Variants in STK32A observed in about 807,000 individuals in gnomAD.
STK32A encodes the protein serine/threonine kinase 32A, also known as serine/threonine-protein kinase 32A.
A neutral mutation model predicts 53.2 loss-of-function variants in STK32A; 41 were observed. The ratio of observed to expected loss-of-function variants is 0.77; its 90% CI spans 0.60 to 1.00. The LOEUF (loss-of-function observed/expected upper bound fraction) is 1.00. STK32A is among the 50% of genes least tolerant of loss of function. The pLI, the probability that STK32A is intolerant of heterozygous loss-of-function variation, is 0.00. For missense variants in STK32A, 458 were observed against 485.8 expected, an observed-to-expected ratio of 0.94 and a Z score of 0.54; for synonymous variants, 166 against 162.8, an observed-to-expected ratio of 1.02 and a Z score of -0.15.
intron 2 of STK32A, among the ~76,000 whole-genome samples, chr5:147,255,567 T>C (rs1038555418): frequency 2.0e-5 from 3 of 152,234 alleles, no homozygotes. Context: ...GATAGAGCAG[T>C]CAGACCATGC....
intron 11 of STK32A, 33 bp downstream of exon 11, chr5:147,375,251 G>A (rs1757187099): frequency 1.9e-6 from 3 of 1,602,450 alleles, no homozygotes; most frequent in African/African-American, 1.3e-5. Flanking sequence ...CAGGGTCATG[G>A]GTATCCCCAT....
intron 2 of STK32A, among the ~76,000 whole-genome samples, chr5:147,243,171 A>G (rs376300281): frequency 1.7e-5 from 1 of 60,024 alleles, no homozygotes; most frequent in South Asian, 4.0e-4. Context: ...CAAACTGTTT[A>G]ATATTTCCAA....
At chr5:147,247,004 G>A (rs575778017) in intron 2 of STK32A, among the ~76,000 whole-genome samples, 1 of 152,270 alleles carries the variant, frequency 6.6e-6, no homozygotes, top group East Asian at 1.9e-4. Flanking sequence ...TGATTATTAA[G>A]TAACACTCAT....
At position 147,383,433 on chromosome 5, in the gene STK32A, C is replaced by T. The variant is rs753058274; in HGVS notation, c.1033-8C>T. 1.3e-5 allele frequency: 21 copies of T among 1,590,666 alleles called. No homozygotes were observed. The highest frequency in any genetic ancestry group is 1.8e-5 in the Non-Finnish European group (21 of 1,167,766). On this transcript the variant is annotated splice_region_variant and splice_polypyrimidine_tract_variant and intron_variant, in intron 11 of 12. Coordinates refer to ENST00000397936, the MANE Select transcript of STK32A (RefSeq NM_001112724.2). Reference sequence around the variant, plus strand: ...TACCTCTATTTTTTTTCTACGTTCACCTGGAAGACATGTCTTCTTCAAGAG... The same window carrying T: ...TACCTCTATTTTTTTTCTACGTTCATCTGGAAGACATGTCTTCTTCAAGAG...
At chr5:147,250,315 A>G (rs960631272) in intron 2 of STK32A, among the ~76,000 whole-genome samples, 1 of 152,190 alleles carries the variant, frequency 6.6e-6, no homozygotes, top group Non-Finnish European at 1.5e-5. Flanking sequence ...GGATGGAGAC[A>G]GAAAGACACG....
chr5:147,250,256 GC>G (rs1465245064), intron 2 of STK32A, among the ~76,000 whole-genome samples: 3 of 152,080 alleles, frequency 2.0e-5, no homozygotes, highest in East Asian at 3.9e-4. Context: ...AAATGATGGT[GC>G]CAAGTAGGAG....
chr5:147,278,610 G>GA (rs1283663518), intron 3 of STK32A, among the ~76,000 whole-genome samples: 1 of 152,080 alleles, frequency 6.6e-6, no homozygotes, highest in Non-Finnish European at 1.5e-5. Flanking sequence ...TTTATCTTAA[G>GA]AAAAATACAT....
At chr5:147,321,076 G>T (rs1000843657) in intron 4 of STK32A, among the ~76,000 whole-genome samples, 5 of 152,220 alleles carry the variant, frequency 3.3e-5, no homozygotes, top group African/African-American at 1.2e-4. Flanking sequence ...TTGGAATAGG[G>T]TGGTGAACTT....
chr5:147,320,010 A>G (rs986167559), intron 4 of STK32A, among the ~76,000 whole-genome samples: 1 of 151,836 alleles, frequency 6.6e-6, no homozygotes, highest in African/African-American at 2.4e-5. Context: ...CCCAGTAGAT[A>G]TACTCACAGA....
intron 4 of STK32A, among the ~76,000 whole-genome samples, chr5:147,300,829 T>C (rs1753093955): frequency 6.6e-6 from 1 of 152,224 alleles, no homozygotes; most frequent in African/African-American, 2.4e-5. Context: ...GGAATACTCA[T>C]GTCAGTACTA....
chr5:147,363,115 C>CAAA (rs34681980), intron 8 of STK32A, among the ~76,000 whole-genome samples: 5 of 150,816 alleles, frequency 3.3e-5, no homozygotes, highest in African/African-American at 7.3e-5. Context: ...AACAAACAAA[C>CAAA]AAAAAACAAG....
chr5:147,314,998 GC>G (rs1239952165), intron 4 of STK32A, among the ~76,000 whole-genome samples: 2 of 152,012 alleles, frequency 1.3e-5, no homozygotes, highest in Non-Finnish European at 2.9e-5. Flanking sequence ...TTCTGCCTCA[GC>G]CCCCCAAAGT....
At chr5:147,401,506 C>T in the STK32A span, 1 of 1,582,002 alleles carries the variant, frequency 6.3e-7, no homozygotes, top group Non-Finnish European at 8.6e-7. Flanking sequence ...GATGTTTTCA[C>T]AAAACGCCTG....
intron 8 of STK32A, among the ~76,000 whole-genome samples, chr5:147,363,044 C>G (rs1756581398): frequency 1.3e-5 from 2 of 151,968 alleles, no homozygotes; most frequent in African/African-American, 2.4e-5. Flanking sequence ...CAAGATCATG[C>G]CACTGCACTC....
chr5:147,389,745 C>A (rs1757753351), downstream of STK32A, among the ~76,000 whole-genome samples: 1 of 152,106 alleles, frequency 6.6e-6, no homozygotes, highest in Non-Finnish European at 1.5e-5. Context: ...GTGGCGCGTG[C>A]CTGTAGTCCC....
intron 2 of STK32A, among the ~76,000 whole-genome samples, chr5:147,249,263 C>T (rs1436840366): frequency 6.6e-6 from 1 of 151,964 alleles, no homozygotes; most frequent in Non-Finnish European, 1.5e-5. Context: ...TCTGATCCCC[C>T]ATTTTCTCAT....
rs1753279872 is a variant in STK32A at position 147,304,101 on chromosome 5, T to C, written c.261-19797T>C. 3.3e-5 allele frequency among the ~76,000 whole-genome samples: 5 copies of C among 152,200 alleles called. No individual in the cohort carries two copies. The South Asian group carries it at 8.3e-4, about 25-fold the overall frequency. ...CACAAAGATTAGGGACAAAGGGCAA[T>C]CTGGAAATCTAGGTAGCAGGAACTA... On this transcript the variant is annotated intron_variant, in intron 4 of 12. Coordinates refer to ENST00000397936, the MANE Select transcript of STK32A (RefSeq NM_001112724.2).
At chr5:147,297,021 T>C (rs1300047633) in intron 4 of STK32A, among the ~76,000 whole-genome samples, 1 of 152,178 alleles carries the variant, frequency 6.6e-6, no homozygotes, top group Non-Finnish European at 1.5e-5. Flanking sequence ...CTTTTATAAA[T>C]ATTTTGTTCA....
chr5:147,278,093 A>G (rs1430557798), intron 2 of STK32A, 31 bp from the exon 3 acceptor site: 3 of 1,534,548 alleles, frequency 2.0e-6, no homozygotes, highest in Non-Finnish European at 2.7e-6. Flanking sequence ...ATTGATAATT[A>G]CTCATGATAT....
Sources: gnomAD v4.1 joint callset for allele counts (sites outside exome capture counted in the v4.1 genomes callset) on GRCh38, gnomAD v4.1.1 for gene constraint, MANE v1.5 for transcripts, NCBI Gene and HGNC (gene_info 2026-07-23, HGNC 2026-07-21) for gene names.